ENDOD1: variants seen among roughly 807,000 people sequenced by gnomAD.
ENDOD1 encodes the protein endonuclease domain-containing 1 protein.
Under a neutral mutation model 6.5 loss-of-function variants are expected in ENDOD1, and 9 were observed. That is an observed-to-expected ratio of 1.39 (90% CI 0.84 to 2.43). The LOEUF (loss-of-function observed/expected upper bound fraction) is 2.43, where lower values mean the gene tolerates loss of function less well. Among genes scored for constraint, ENDOD1 ranks in the 30% most tolerant of loss-of-function variants. The pLI, the probability that ENDOD1 is intolerant of heterozygous loss-of-function variation, is 0.00. For synonymous variants in ENDOD1, 255 were observed against 255.2 expected (o/e 1.00, Z 0.01); for missense variants, 648 against 635.5 (o/e 1.02, Z -0.21).
chr11:95,119,492 T>A (rs558288), intron 1 of ENDOD1, among the ~76,000 whole-genome samples: 2 of 152,124 alleles, frequency 1.3e-5, no homozygotes, highest in African/African-American at 2.4e-5. Context: ...TTTTGTTCTC[T>A]TCTCTTACTT....
chr11:95,124,608 A>AG (rs1261739946), intron 1 of ENDOD1, among the ~76,000 whole-genome samples: 2 of 152,208 alleles, frequency 1.3e-5, no homozygotes, highest in Admixed American at 6.5e-5. Flanking sequence ...GGCCCAGGGC[A>AG]GGGGGGTGCA....
chr11:95,115,302 A>G (rs746339347), intron 1 of ENDOD1, among the ~76,000 whole-genome samples: 1 of 150,150 alleles, frequency 6.7e-6, no homozygotes, highest in Non-Finnish European at 1.5e-5. Flanking sequence ...TTCGCTGTTG[A>G]TATATAGAAA....
intron 1 of ENDOD1, among the ~76,000 whole-genome samples, chr11:95,095,543 ATAT>A (rs1858975633): frequency 6.6e-6 from 1 of 152,370 alleles, no homozygotes; most frequent in South Asian, 2.1e-4. Flanking sequence ...CGTTGGCAGA[ATAT>A]TTCAGGGACA....
chr11:95,094,698 C>G (rs1858966668), intron 1 of ENDOD1, among the ~76,000 whole-genome samples: 1 of 152,188 alleles, frequency 6.6e-6, no homozygotes, highest in Non-Finnish European at 1.5e-5. Context: ...TCAATTTGTT[C>G]CAACCTCAGC....
chr11:95,100,198 A>T (rs910827093), intron 1 of ENDOD1, among the ~76,000 whole-genome samples: 1 of 152,118 alleles, frequency 6.6e-6, no homozygotes, highest in Admixed American at 6.5e-5. Flanking sequence ...GCACAGACTT[A>T]TCTGAACTCT....
chr11:95,099,830 C>A (rs1471158077), intron 1 of ENDOD1, among the ~76,000 whole-genome samples: 1 of 152,194 alleles, frequency 6.6e-6, no homozygotes, highest in Non-Finnish European at 1.5e-5. Flanking sequence ...TTCAGGAAAT[C>A]TGCTTGCTGT....
chr11:95,100,136 T>C (rs1859023821), intron 1 of ENDOD1, among the ~76,000 whole-genome samples: 1 of 152,202 alleles, frequency 6.6e-6, no homozygotes. Flanking sequence ...GGGTGGTTGA[T>C]GACCTTACTT....
At chr11:95,100,838 T>G (rs1859031778) in intron 1 of ENDOD1, among the ~76,000 whole-genome samples, 1 of 148,306 alleles carries the variant, frequency 6.7e-6, no homozygotes, top group Non-Finnish European at 1.5e-5. Flanking sequence ...TGTTCTCTCC[T>G]ATCATAGATC....
intron 1 of ENDOD1, among the ~76,000 whole-genome samples, chr11:95,112,297 C>T (rs1018491141): frequency 6.6e-6 from 1 of 152,244 alleles, no homozygotes; most frequent in African/African-American, 2.4e-5. Context: ...GCATTCCCCT[C>T]CTCATTCAGA....
chr11:95,115,392 T>G (rs189014696), intron 1 of ENDOD1, among the ~76,000 whole-genome samples: 5,621 of 151,760 alleles, frequency 0.037, 323 homozygotes, highest in African/African-American at 0.12. Context: ...GTTTTTTTTT[T>G]TGTGTGTGTG....
At chr11:95,120,582 G>C (rs1859253652) in intron 1 of ENDOD1, among the ~76,000 whole-genome samples, 1 of 151,862 alleles carries the variant, frequency 6.6e-6, no homozygotes, top group African/African-American at 2.4e-5. Context: ...TTCTTCTCAA[G>C]CAGAAGGAAG....
At chr11:95,111,069 G>C (rs1203914951) in intron 1 of ENDOD1, among the ~76,000 whole-genome samples, 11 of 152,134 alleles carry the variant, frequency 7.2e-5, no homozygotes, top group South Asian at 4.1e-4. Context: ...GTACTGGCAG[G>C]CTCCAAATCT....
At chr11:95,100,591 C>T (rs782573046) in intron 1 of ENDOD1, among the ~76,000 whole-genome samples, 14 of 152,036 alleles carry the variant, frequency 9.2e-5, no homozygotes, top group Non-Finnish European at 1.6e-4. Flanking sequence ...TGGGCTCAAG[C>T]GATCCTCCCA....
intron 1 of ENDOD1, among the ~76,000 whole-genome samples, chr11:95,108,286 G>A (rs1159741984): frequency 6.6e-6 from 1 of 152,086 alleles, no homozygotes; most frequent in Non-Finnish European, 1.5e-5. Flanking sequence ...ATTTGTCTTT[G>A]TTTTCCCACA....
In ENDOD1 at chr11:95,128,649, C is replaced by A; in HGVS notation, c.573C>A (p.Gly191=). The change falls in exon 2 of 2, where the codon GGC becomes GGA. Residue 191 remains glycine, a synonymous_variant. Transcript: ENST00000278505. The stretch of plus-strand genomic sequence containing the variant: ...ACCGGGCTTTGACCCCACAGTGTGG[C>A]AGTGGGGAAGACCTATATATCCTCA... The part of the protein sequence containing the change: ...LMDRALTPQC[G]SGEDLYILTG... The A allele has an allele frequency of 6.2e-7, 1 of 1,614,164 alleles. No individual in the cohort carries two copies. The highest frequency in any genetic ancestry group is 8.5e-7 in the Non-Finnish European group (1 of 1,180,024).
chr11:95,098,864 C>A lies in ENDOD1; in HGVS notation c.300+8637C>A, dbSNP rs1859011289. ...GGGTTTGAACCTGAGCTGTCTGACA[C>A]CAGAGCACACATGGACTGCTTCTGT... is the stretch of plus-strand genomic sequence containing the variant. On this transcript the variant is annotated intron_variant, in intron 1 of 1. Coordinates refer to ENST00000278505, the MANE Select transcript of ENDOD1 (RefSeq NM_015036.3). Among the ~76,000 whole-genome samples the A allele has an allele frequency of 1.3e-5, 2 of 152,252 alleles. 1 individual carries two copies. The highest frequency in any genetic ancestry group is 3.9e-4 in the East Asian group (2 of 5,180).
intron 1 of ENDOD1, among the ~76,000 whole-genome samples, chr11:95,120,820 G>T (rs1351477547): frequency 6.6e-6 from 1 of 152,168 alleles, no homozygotes; most frequent in Non-Finnish European, 1.5e-5. Flanking sequence ...CAGTGGCGAG[G>T]CTTGTGGAAA....
At chr11:95,114,544 T>TA (rs1302137576) in intron 1 of ENDOD1, among the ~76,000 whole-genome samples, 1 of 152,230 alleles carries the variant, frequency 6.6e-6, no homozygotes, top group African/African-American at 2.4e-5. Flanking sequence ...TGCCTGTACT[T>TA]ACGGGATATT....
intron 1 of ENDOD1, among the ~76,000 whole-genome samples, chr11:95,127,986 C>T (rs759564770): frequency 5.9e-5 from 9 of 152,180 alleles, no homozygotes; most frequent in Non-Finnish European, 1.2e-4. Flanking sequence ...TCTTGAACTC[C>T]TGACCTCAGA....
Sources: allele counts gnomAD v4.1 joint callset (sites outside exome capture counted in the v4.1 genomes callset), GRCh38; gene constraint gnomAD v4.1.1; transcripts MANE v1.5; gene names NCBI Gene and HGNC (gene_info 2026-07-23, HGNC 2026-07-21).